The following DIP2A variants were observed in gnomAD, a reference collection of about 807,000 sequenced individuals.
DIP2A encodes the protein disco-interacting protein 2 homolog A.
Under a neutral mutation model 177.4 loss-of-function variants are expected in DIP2A, and 85 were observed. That is an observed-to-expected ratio of 0.48 (90% CI 0.40 to 0.57). The LOEUF is 0.57. DIP2A is among the 20% of genes least tolerant of loss of function. The pLI, the probability that DIP2A is intolerant of heterozygous loss-of-function variation, is 0.00. For synonymous variants in DIP2A, 886 were observed against 881.8 expected, an observed-to-expected ratio of 1.00 and a Z score of -0.08; for missense variants, 1,791 against 2,100.2, an observed-to-expected ratio of 0.85 and a Z score of 2.88.
At chr21:46,551,778 G>T in intron 24 of DIP2A, 35 bp downstream of exon 24, 1 of 1,613,460 alleles carries the variant, frequency 6.2e-7, no homozygotes. Context: ...GTGGACGGGT[G>T]TCTGTGCCCC....
Position 46,515,464 on chromosome 21 carries a change from T to A in DIP2A, c.1102+3850T>A, listed in dbSNP as rs900634184. ...TGACACACTTCCTCTTTTTTTTTTT[T>A]TATATATTCTCCTTGGCTTGCAGTT... is the stretch of plus-strand genomic sequence containing the variant. On this transcript the variant is annotated intron_variant, in intron 8 of 37. Transcript: ENST00000417564. Among the ~76,000 whole-genome samples the A allele has an allele frequency of 6.8e-3, 1,031 of 151,984 alleles. 13 individuals carry two copies. The highest frequency in any genetic ancestry group is 0.023 in the African/African-American group (943 of 41,506).
At chr21:46,478,464 G>A (rs866810598) in intron 1 of DIP2A, among the ~76,000 whole-genome samples, 10 of 152,084 alleles carry the variant, frequency 6.6e-5, no homozygotes, top group African/African-American at 1.7e-4. Context: ...TGCCTGCCTC[G>A]GCCTCCCAAA....
intron 20 of DIP2A, among the ~76,000 whole-genome samples, chr21:46,546,592 G>A (rs899163374): frequency 2.6e-5 from 4 of 152,162 alleles, no homozygotes; most frequent in Non-Finnish European, 4.4e-5. Flanking sequence ...CCCACAACTC[G>A]TTTCCCACTT....
chr21:46,529,000 G>A (rs1354470073), intron 8 of DIP2A, 92 bp from the exon 9 acceptor site: 16 of 687,066 alleles, frequency 2.3e-5, no homozygotes, highest in East Asian at 1.2e-4. Context: ...ATGGGGTAAT[G>A]GTATATTTCG....
chr21:46,565,611 A>T, intron 35 of DIP2A, 102 bp from the exon 36 acceptor site: 1 of 1,222,306 alleles, frequency 8.2e-7, no homozygotes, highest in Non-Finnish European at 1.1e-6. Flanking sequence ...GACTTCGTTC[A>T]GTGTTTTCTG....
In DIP2A at chr21:46,537,686, C is replaced by A; in HGVS notation, c.1801+147C>A. ...TGGGACGTCTTTCTTGGTCACACCC[C>A]TGCCCAGGAATATGGGGGCTTTCTC... is the stretch of plus-strand genomic sequence containing the variant. On this transcript the variant is annotated intron_variant, in intron 15 of 37. Transcript: ENST00000417564. The surrounding 1 kb of genome is among the most constrained non-coding windows in gnomAD (Gnocchi z 4.1). 1.3e-6 allele frequency: 1 copy of A among 793,694 alleles called. No homozygotes were observed. Among genetic ancestry groups the A allele is most frequent in the Non-Finnish European group, 2.0e-6 (1 of 495,834 alleles). The allele number at this position is 793,694 out of a possible 1,614,324, so 49.2% of individuals were successfully genotyped here.
At chr21:46,480,338 C>T (rs1005419336) in intron 1 of DIP2A, among the ~76,000 whole-genome samples, 1 of 152,094 alleles carries the variant, frequency 6.6e-6, no homozygotes, top group Non-Finnish European at 1.5e-5. Flanking sequence ...ACTTACTATC[C>T]GGAGAACAGC....
intron 1 of DIP2A, among the ~76,000 whole-genome samples, chr21:46,480,525 A>G (rs1293543370): frequency 1.3e-5 from 2 of 152,264 alleles, no homozygotes; most frequent in African/African-American, 2.4e-5. Flanking sequence ...CGGCACCTCC[A>G]GTAGGACCTG....
At chr21:46,526,062 C>G (rs2059073039) in intron 8 of DIP2A, among the ~76,000 whole-genome samples, 2 of 151,828 alleles carry the variant, frequency 1.3e-5, no homozygotes, top group South Asian at 2.1e-4. Context: ...GCGCCTGCCA[C>G]CACACCCGGC....
chr21:46,559,624 G>C (rs1430296411), intron 32 of DIP2A, among the ~76,000 whole-genome samples: 1 of 152,236 alleles, frequency 6.6e-6, no homozygotes, highest in Non-Finnish European at 1.5e-5. Flanking sequence ...TGCAAGCCTG[G>C]GGCCTCCTTG....
Position 46,537,893 on chromosome 21 carries a change from T to C in DIP2A, c.1801+354T>C, listed in dbSNP as rs796472077. On this transcript the variant is annotated intron_variant, in intron 15 of 37. Transcript: ENST00000417564. This position sits in a 1 kb window ranked among gnomAD's most constrained non-coding sequence, Gnocchi z 4.1. ...TCTGCCCTGTGGAGCTCAGTGGCAC[T>C]TCTACCAGCCACTGAGGCACTGGAT... is the stretch of plus-strand genomic sequence containing the variant. 1.3e-4 allele frequency among the ~76,000 whole-genome samples: 20 copies of C among 152,316 alleles called. No individual in the cohort carries two copies. The highest frequency in any genetic ancestry group is 4.8e-4 in the African/African-American group (20 of 41,572).
At chr21:46,489,515 G>T (rs1029275906) in intron 2 of DIP2A, among the ~76,000 whole-genome samples, 8 of 152,118 alleles carry the variant, frequency 5.3e-5, no homozygotes, top group Non-Finnish European at 1.0e-4. Flanking sequence ...TTGGTGTGTG[G>T]TGTTGCACAG....
intron 9 of DIP2A, among the ~76,000 whole-genome samples, chr21:46,529,540 G>GTAGTGAGCC (rs1260996430): frequency 1.3e-5 from 2 of 151,640 alleles, no homozygotes; most frequent in East Asian, 1.9e-4. Context: ...GGTGGAGGTT[G>GTAGTGAGCC]TAGTGAGCCA....
chr21:46,533,585 C>T lies in DIP2A; in HGVS notation c.1367C>T (p.Thr456Ile), dbSNP rs1465926749. ...AGCTGTGGAGTCTTCTTGGCCCTGA[C>T]CACAGACGCTTGTCAGAAAGGCCTC... ...LGSCGVFLAL[T>I]TDACQKGLPK... The change falls in exon 11 of 38, where the codon ACC (threonine) becomes ATC (isoleucine). Residue 456 changes from threonine (T) to isoleucine (I), a missense_variant. Coordinates refer to ENST00000417564, the MANE Select transcript of DIP2A (RefSeq NM_015151.4). 8 of 1,614,016 alleles carry T rather than the reference C, an allele frequency of 5.0e-6. No individual in the cohort carries two copies. The highest frequency in any genetic ancestry group is 1.3e-5 in the African/African-American group (1 of 75,046).
chr21:46,562,777 C>T (rs1203396920), intron 34 of DIP2A, among the ~76,000 whole-genome samples: 1 of 152,164 alleles, frequency 6.6e-6, no homozygotes, highest in African/African-American at 2.4e-5. Context: ...GTAGACCAGC[C>T]GAGAGTGGAG....
chr21:46,554,976 C>T, intron 28 of DIP2A, 43 bp downstream of exon 28: 1 of 1,529,972 alleles, frequency 6.5e-7, no homozygotes, highest in Non-Finnish European at 8.8e-7. Context: ...CTTTTCCTTT[C>T]TTTGTTGTAG....
At chr21:46,483,319 T>C (rs1347888478) in intron 1 of DIP2A, among the ~76,000 whole-genome samples, 1 of 149,792 alleles carries the variant, frequency 6.7e-6, no homozygotes, top group Non-Finnish European at 1.5e-5. Flanking sequence ...TAAGAAAATA[T>C]GTCTAAAAGA....
rs569133412 is a variant in DIP2A at position 46,521,203 on chromosome 21, T to C, written c.1103-7889T>C. On this transcript the variant is annotated intron_variant, in intron 8 of 37. Transcript: ENST00000417564. The stretch of plus-strand genomic sequence containing the variant: ...ATCTTTGTTTTCTTTTCTTTTTTTT[T>C]CCTGAGACGGAGTCTCACTCTGTCA... Among the ~76,000 whole-genome samples the C allele has an allele frequency of 2.6e-5, 4 of 152,294 alleles. No homozygotes were observed. The South Asian group carries it at 6.2e-4, about 24-fold the overall frequency.
Position 46,461,271 on chromosome 21 carries a change from C to CAAAAAAAAAA in DIP2A, c.91+2062_91+2071dup, listed in dbSNP as rs60346777. 2.7e-3 allele frequency among the ~76,000 whole-genome samples: 135 copies of CAAAAAAAAAA among 49,302 alleles called. 18 individuals are homozygous for CAAAAAAAAAA. The highest frequency in any genetic ancestry group is 9.2e-3 in the East Asian group (10 of 1,084). The allele number at this position is 49,302 out of a possible 152,430, so 32.3% of individuals were successfully genotyped here. A position where few individuals can be genotyped will look rare whatever the true frequency, so the allele number is the denominator to read the frequency against. ...AGAGCGAGAACCTGTCTCTTCTCAC[C>CAAAAAAAAAA]AAAAAAAAAAAAAAAAAAAAAAGGA... On this transcript the variant is annotated intron_variant, in intron 1 of 37. Coordinates refer to ENST00000417564, the MANE Select transcript of DIP2A (RefSeq NM_015151.4).
Sources: gnomAD v4.1 joint callset for allele counts (sites outside exome capture counted in the v4.1 genomes callset) on GRCh38, gnomAD v4.1.1 for gene constraint, Gnocchi (gnomAD v3.1) non-coding constraint, MANE v1.5 for transcripts, NCBI Gene and HGNC (gene_info 2026-07-23, HGNC 2026-07-21) for gene names.